The following ZNF292 variants were observed in gnomAD, a reference collection of about 807,000 sequenced individuals.
ZNF292 encodes the protein 16 zinc-finger domain protein.
ZNF292 carries 26 observed loss-of-function variants against 217.9 expected under a neutral mutation model. The observed-to-expected ratio is 0.12, with a 90% CI of 0.09 to 0.17. The LOEUF (loss-of-function observed/expected upper bound fraction) is 0.17, where lower values mean the gene tolerates loss of function less well. ZNF292 is among the 10% of genes least tolerant of loss of function. ZNF292 has a pLI of 1.00. For synonymous variants in ZNF292, 1,257 were observed against 1,124.1 expected, an observed-to-expected ratio of 1.12 and a Z score of -2.37; for missense variants, 2,904 against 3,175.2, an observed-to-expected ratio of 0.91 and a Z score of 2.05.
rs57087160 is a variant in ZNF292, at chr6:87,241,050, C to T, written c.742-2425C>T. Among the ~76,000 whole-genome samples the T allele has an allele frequency of 1.2e-3, 180 of 152,186 alleles. 1 individual carries two copies. The East Asian group carries it at 0.024, about 20-fold the overall frequency. On this transcript the variant is annotated intron_variant, in intron 5 of 7. Transcript: ENST00000369577. ...CTGTAATCCCAGCACTTTGGGAGGC[C>T]GAGGCAGGTGGATCACGAGGTCAGG... is the stretch of plus-strand genomic sequence containing the variant.
chr6:87,256,916 A>G lies in ZNF292; in HGVS notation c.3287A>G (p.Gln1096Arg). ...TCAGTGCCTCCAAAAGCTCCAGTTC[A>G]GAAATTCAGCTGCCAGGTCGAGGGA... ...TPSVPPKAPV[Q>R]KFSCQVEGCT... The change falls in exon 8 of 8, where the codon CAG (glutamine) becomes CGG (arginine). Residue 1096 changes from glutamine to arginine, a missense_variant. This residue lies in a region of ZNF292 where 687 missense variants were observed against 623.0 expected (regional missense o/e 1.10). Transcript: ENST00000369577. 1.9e-6 allele frequency: 3 copies of G among 1,613,890 alleles called. No homozygotes were observed. Among genetic ancestry groups the G allele is most frequent in the Non-Finnish European group, 2.5e-6 (3 of 1,179,830 alleles).
intron 1 of ZNF292, among the ~76,000 whole-genome samples, chr6:87,192,263 G>A (rs1304071092): frequency 2.6e-5 from 4 of 152,070 alleles, no homozygotes; most frequent in South Asian, 2.1e-4. Flanking sequence ...ATGTAAGAAG[G>A]TCCAATTAAA....
At chr6:87,183,427 G>T (rs930933279) in intron 1 of ZNF292, among the ~76,000 whole-genome samples, 4 of 151,892 alleles carry the variant, frequency 2.6e-5, no homozygotes, top group African/African-American at 7.2e-5. Context: ...AAAATAAAAT[G>T]GTCCCTTCAG....
intron 5 of ZNF292, among the ~76,000 whole-genome samples, chr6:87,236,664 A>G (rs1467136983): frequency 2.6e-5 from 4 of 152,044 alleles, no homozygotes; most frequent in Non-Finnish European, 1.5e-5. Context: ...TTAATACTCC[A>G]CTAGGTAATT....
At chr6:87,244,439 T>A (rs1358996067) in intron 6 of ZNF292, among the ~76,000 whole-genome samples, 1 of 152,214 alleles carries the variant, frequency 6.6e-6, no homozygotes, top group African/African-American at 2.4e-5. Flanking sequence ...GACTAAGAAA[T>A]TAATGTGTTT....
intron 1 of ZNF292, among the ~76,000 whole-genome samples, chr6:87,186,227 A>G (rs948741602): frequency 5.9e-5 from 9 of 152,242 alleles, no homozygotes; most frequent in African/African-American, 2.2e-4. Flanking sequence ...TTTCTAGGTT[A>G]TTAATGGAGG....
chr6:87,192,805 T>C (rs1771856900), intron 1 of ZNF292, among the ~76,000 whole-genome samples: 1 of 152,222 alleles, frequency 6.6e-6, no homozygotes, highest in South Asian at 2.1e-4. Context: ...GTTTACTTTT[T>C]TGTGAGATCT....
At chr6:87,156,109 T>G (rs1235234618) in intron 1 of ZNF292, among the ~76,000 whole-genome samples, 2 of 152,232 alleles carry the variant, frequency 1.3e-5, no homozygotes, top group Non-Finnish European at 2.9e-5. Context: ...CTCCTCCTCC[T>G]TTTATTGTGC....
At position 87,264,256 on chromosome 6, in the gene ZNF292, C is replaced by T. The variant is rs1775743211; in HGVS notation, c.*2455C>T. Reference sequence around the variant, plus strand: ...CTACAGCCTAAATTTGCTAAAGTTTCATCACTAAAAAGTAGGAGTTTTTCC... The same window carrying T: ...CTACAGCCTAAATTTGCTAAAGTTTTATCACTAAAAAGTAGGAGTTTTTCC... On this transcript the variant is annotated 3_prime_UTR_variant, in exon 8 of 8. Transcript: ENST00000369577. The T allele has an allele frequency of 6.6e-6, 1 of 152,138 alleles. No homozygotes were observed. The highest frequency in any genetic ancestry group is 2.4e-5 in the African/African-American group (1 of 41,442). The allele number at this position is 152,138 out of a possible 1,614,324, so 9.4% of individuals were successfully genotyped here.
intron 6 of ZNF292, 49 bp downstream of exon 6, chr6:87,243,660 C>T (rs1207688525): frequency 1.4e-6 from 2 of 1,385,876 alleles, no homozygotes; most frequent in African/African-American, 1.5e-5. Context: ...AATAAGAATG[C>T]AAAATAGGCT....
chr6:87,238,633 GTATT>G (rs201392958), intron 5 of ZNF292, among the ~76,000 whole-genome samples: 1,443 of 103,792 alleles, frequency 0.014, 11 homozygotes, highest in Non-Finnish European at 0.021. Flanking sequence ...TTTTCAGTAA[GTATT>G]TATTTTTTTT....
intron 1 of ZNF292, among the ~76,000 whole-genome samples, chr6:87,160,959 A>G (rs745993226): frequency 6.6e-6 from 1 of 152,162 alleles, no homozygotes; most frequent in Non-Finnish European, 1.5e-5. Flanking sequence ...GAAAAATAGT[A>G]TATCTAGAAG....
At chr6:87,205,682 T>A (rs1772230996) in intron 1 of ZNF292, among the ~76,000 whole-genome samples, 1 of 152,210 alleles carries the variant, frequency 6.6e-6, no homozygotes, top group Non-Finnish European at 1.5e-5. Context: ...GATTTGTGCC[T>A]TCTCTTTTTT....
intron 4 of ZNF292, among the ~76,000 whole-genome samples, chr6:87,227,231 A>T (rs1447247939): frequency 6.6e-6 from 1 of 152,190 alleles, no homozygotes; most frequent in Non-Finnish European, 1.5e-5. Context: ...CATGAGCAGT[A>T]GTCTCAATCC....
intron 3 of ZNF292, among the ~76,000 whole-genome samples, chr6:87,216,945 G>A (rs1238296767): frequency 6.6e-6 from 1 of 151,892 alleles, no homozygotes; most frequent in African/African-American, 2.4e-5. Flanking sequence ...GCTTATATGA[G>A]GTACTACACA....
In ZNF292 at chr6:87,218,748, C is replaced by T. The variant is rs771460259; in HGVS notation, c.538+17C>T. 1.3e-6 allele frequency: 2 copies of T among 1,549,214 alleles called. No individual in the cohort carries two copies. The highest frequency in any genetic ancestry group is 1.4e-5 in the African/African-American group (1 of 71,176). On this transcript the variant is annotated intron_variant, in intron 4 of 7. Coordinates refer to ENST00000369577, the MANE Select transcript of ZNF292 (RefSeq NM_015021.3). ...AGGATAAAGGTAAATTTTCGAGAGA[C>T]AGAGAAAAAAAAGAATAATTAGACT...
At chr6:87,233,604 C>A in intron 5 of ZNF292, 77 bp downstream of exon 5, 1 of 1,545,264 alleles carries the variant, frequency 6.5e-7, no homozygotes, top group Non-Finnish European at 8.7e-7. Context: ...CTTTGATTTC[C>A]TTTTCTCTTA....
intron 1 of ZNF292, among the ~76,000 whole-genome samples, chr6:87,210,472 A>G (rs2127796784): frequency 6.6e-6 from 1 of 152,114 alleles, no homozygotes; most frequent in South Asian, 2.1e-4. Context: ...AACACACACT[A>G]TAGAGCAGAT....
intron 1 of ZNF292, among the ~76,000 whole-genome samples, chr6:87,190,628 C>T (rs1295775752): frequency 6.6e-6 from 1 of 152,126 alleles, no homozygotes; most frequent in Admixed American, 6.5e-5. Context: ...TGCGTGCCAC[C>T]ACACCCAGCT....
Sources: gnomAD v4.1 joint callset for allele counts (sites outside exome capture counted in the v4.1 genomes callset) on GRCh38, gnomAD v4.1.1 for gene constraint, gnomAD v4.1.1 regional missense constraint, MANE v1.5 for transcripts, NCBI Gene and HGNC (gene_info 2026-07-23, HGNC 2026-07-21) for gene names.